Variants in SLC44A5 observed in about 807,000 individuals in gnomAD.
The protein encoded by SLC44A5 is solute carrier family 44 member 5.
SLC44A5 carries 57 observed loss-of-function variants against 101.8 expected under a neutral mutation model. The ratio of observed to expected loss-of-function variants is 0.56; its 90% CI spans 0.45 to 0.70. The LOEUF (loss-of-function observed/expected upper bound fraction) is 0.70, where lower values mean the gene tolerates loss of function less well. Ranked by LOEUF, SLC44A5 falls within the 30% of genes least tolerant of loss-of-function variation. The pLI is 0.00. For synonymous variants in SLC44A5, 281 were observed against 290.9 expected, an observed-to-expected ratio of 0.97 and a Z score of 0.35; for missense variants, 737 against 853.1, an observed-to-expected ratio of 0.86 and a Z score of 1.70.
chr1:75,271,688 T>C (rs1158733425), intron 6 of SLC44A5, among the ~76,000 whole-genome samples: 2 of 152,116 alleles, frequency 1.3e-5, no homozygotes, highest in Non-Finnish European at 2.9e-5. Context: ...GGTGTGTATA[T>C]ACAACATTTT....
rs12139821 is a variant in SLC44A5, at chr1:75,280,398, T to A, written c.176-5356A>T. Among the ~76,000 whole-genome samples, 230 of 57,678 alleles carry A rather than the reference T, an allele frequency of 4.0e-3. 2 individuals carry two copies. Among genetic ancestry groups the A allele is most frequent in the African/African-American group, 8.8e-3 (110 of 12,528 alleles). 37.8% of individuals were successfully genotyped at this position (57,678 alleles called of 152,430 possible). ...ATATATAATATATATATTGTATATA[T>A]TATATATTGTATATATAATATATAT... On this transcript the variant is annotated intron_variant, in intron 5 of 23. Transcript: ENST00000370859.
At chr1:75,244,245 T>A (rs1254886681) in intron 7 of SLC44A5, among the ~76,000 whole-genome samples, 1 of 152,104 alleles carries the variant, frequency 6.6e-6, no homozygotes, top group Non-Finnish European at 1.5e-5. Flanking sequence ...CACTTGTTTC[T>A]GTGTGCCTGT....
chr1:75,444,859 T>G (rs1180252160), intron 2 of SLC44A5, among the ~76,000 whole-genome samples: 1 of 152,136 alleles, frequency 6.6e-6, no homozygotes, highest in Non-Finnish European at 1.5e-5. Context: ...TGAGCCACTC[T>G]GTTTTCTCTG....
chr1:75,463,419 C>CAA (rs34371845), intron 2 of SLC44A5, among the ~76,000 whole-genome samples: 1,535 of 69,332 alleles, frequency 0.022, 76 homozygotes, highest in Middle Eastern at 0.045. Flanking sequence ...GACTCTGTCT[C>CAA]AAAAAAAAAA....
intron 1 of SLC44A5, among the ~76,000 whole-genome samples, chr1:75,553,064 T>C (rs910567): frequency 0.29 from 43,525 of 152,010 alleles, 7,684 homozygotes; most frequent in East Asian, 0.78. Context: ...TGTGTTGTCT[T>C]TTCTAACAAA....
chr1:75,523,735 C>A (rs1043571551), intron 2 of SLC44A5, among the ~76,000 whole-genome samples: 2 of 152,196 alleles, frequency 1.3e-5, no homozygotes, highest in Non-Finnish European at 2.9e-5. Context: ...ACGCTTGAGG[C>A]AATTTTGCCC....
At chr1:75,693,664 T>C in the SLC44A5 span, among the ~76,000 whole-genome samples, 1 of 152,210 alleles carries the variant, frequency 6.6e-6, no homozygotes, top group Admixed American at 6.5e-5. Context: ...AACTGCATAC[T>C]GGAGCCCACC....
the SLC44A5 span, among the ~76,000 whole-genome samples, chr1:75,640,123 C>T: frequency 1.3e-5 from 2 of 152,076 alleles, no homozygotes; most frequent in African/African-American, 4.8e-5. Flanking sequence ...GAAACAGCAA[C>T]AGTTTCGCCA....
At chr1:75,458,424 T>C (rs1666312118) in intron 2 of SLC44A5, among the ~76,000 whole-genome samples, 1 of 152,118 alleles carries the variant, frequency 6.6e-6, no homozygotes, top group Non-Finnish European at 1.5e-5. Context: ...GAGTTTCAAT[T>C]AGGAAAAAAC....
intron 2 of SLC44A5, among the ~76,000 whole-genome samples, chr1:75,490,046 T>A (rs111887543): frequency 6.6e-6 from 1 of 150,964 alleles, no homozygotes; most frequent in East Asian, 1.9e-4. Flanking sequence ...ATTGTAAAAT[T>A]AAAAAAAAAT....
intron 2 of SLC44A5, among the ~76,000 whole-genome samples, chr1:75,407,951 CA>C (rs1293902303): frequency 6.6e-6 from 1 of 152,208 alleles, no homozygotes; most frequent in Non-Finnish European, 1.5e-5. Flanking sequence ...AAAATTTTTG[CA>C]ATCTATCCAT....
chr1:75,703,831 C>G, the SLC44A5 span, among the ~76,000 whole-genome samples: 1 of 151,698 alleles, frequency 6.6e-6, no homozygotes, highest in Non-Finnish European at 1.5e-5. Flanking sequence ...CCATACAAAG[C>G]TATAGTGTAG....
chr1:75,425,780 T>C (rs1013154772), intron 2 of SLC44A5, among the ~76,000 whole-genome samples: 1 of 152,130 alleles, frequency 6.6e-6, no homozygotes, highest in Non-Finnish European at 1.5e-5. Context: ...AACTCACGGT[T>C]CTACCAACAC....
chr1:75,402,917 A>G (rs1662589843), intron 2 of SLC44A5, among the ~76,000 whole-genome samples: 1 of 152,176 alleles, frequency 6.6e-6, no homozygotes, highest in South Asian at 2.1e-4. Flanking sequence ...TCCCACACAC[A>G]TTAAGACCAG....
intron 4 of SLC44A5, among the ~76,000 whole-genome samples, chr1:75,333,705 A>T (rs1657228635): frequency 6.6e-6 from 1 of 152,192 alleles, no homozygotes; most frequent in African/African-American, 2.4e-5. Flanking sequence ...GATTAATGTG[A>T]TCAGTGAAAT....
chr1:75,318,213 A>G (rs1655844343), intron 4 of SLC44A5, among the ~76,000 whole-genome samples: 1 of 151,918 alleles, frequency 6.6e-6, no homozygotes. Context: ...CTTCGTCTCT[A>G]CACAAATAAA....
intron 2 of SLC44A5, among the ~76,000 whole-genome samples, chr1:75,513,817 A>G (rs534887373): frequency 1.3e-5 from 2 of 152,244 alleles, no homozygotes; most frequent in Non-Finnish European, 2.9e-5. Context: ...TTTTAAATCA[A>G]TGCTATATAA....
chr1:75,497,969 G>A (rs1294378060), intron 2 of SLC44A5, among the ~76,000 whole-genome samples: 1 of 151,884 alleles, frequency 6.6e-6, no homozygotes, highest in Non-Finnish European at 1.5e-5. Context: ...ATGCAAAACC[G>A]AATTTCTACA....
At chr1:75,475,336 A>G (rs536348335) in intron 2 of SLC44A5, among the ~76,000 whole-genome samples, 1 of 152,372 alleles carries the variant, frequency 6.6e-6, no homozygotes, top group Non-Finnish European at 1.5e-5. Context: ...GGTATTTGAT[A>G]GAAATTTCAG....
Sources: allele counts gnomAD v4.1 joint callset (sites outside exome capture counted in the v4.1 genomes callset), GRCh38; gene constraint gnomAD v4.1.1; transcripts MANE v1.5; gene names NCBI Gene and HGNC (gene_info 2026-07-23, HGNC 2026-07-21).